Variants in EYS observed in about 807,000 individuals in gnomAD.
EYS encodes EGF-like photoreceptor maintenance factor.
In EYS, 250 loss-of-function variants were observed where a neutral mutation model predicts 282.1. The ratio of observed to expected loss-of-function variants is 0.89; its 90% CI spans 0.80 to 0.98. The LOEUF is 0.98. Ranked by LOEUF, EYS falls within the 50% of genes least tolerant of loss-of-function variation. The pLI is 0.00. For missense variants in EYS, 4,016 were observed against 3,709.0 expected, an observed-to-expected ratio of 1.08 and a Z score of -2.15; for synonymous variants, 1,355 against 1,282.9, an observed-to-expected ratio of 1.06 and a Z score of -1.20.
At chr6:64,453,614 C>G (rs1472474538) in intron 26 of EYS, among the ~76,000 whole-genome samples, 1 of 152,134 alleles carries the variant, frequency 6.6e-6, no homozygotes, top group Non-Finnish European at 1.5e-5. Flanking sequence ...ACCCAAATGT[C>G]CAACAATGAT....
Position 65,678,104 on chromosome 6 carries a change from C to G in EYS, c.-448+29031G>C, listed in dbSNP as rs577781131. ...AAGCTTATAATCATTGTGAAGGGAA[C>G]GGGAGCCAGCATGTCACATGATGAG... On this transcript the variant is annotated intron_variant, in intron 1 of 42. Transcript: ENST00000503581. Among the ~76,000 whole-genome samples the G allele has an allele frequency of 1.1e-4, 17 of 152,024 alleles. No individual in the cohort carries two copies. The South Asian group carries it at 3.5e-3, about 32-fold the overall frequency.
At chr6:65,326,106 ATGTAC>A (rs1443864711) in intron 11 of EYS, among the ~76,000 whole-genome samples, 4 of 152,024 alleles carry the variant, frequency 2.6e-5, no homozygotes, top group Non-Finnish European at 5.9e-5. Context: ...ATTTTGTCTA[ATGTAC>A]TGTAAATAAT....
rs1353863892 is a variant in EYS at position 65,494,744 on chromosome 6, TA to T, written c.666del (p.Cys222Ter). 1 of 1,613,564 alleles carries T rather than the reference TA, an allele frequency of 6.2e-7. No homozygotes were observed. The highest frequency in any genetic ancestry group is 8.5e-7 in the Non-Finnish European group (1 of 1,179,756). Reference protein sequence around the residue: ...QELDACSFKPCKNNGSCINKR... With the variant: ...QELDACSFKPXKNNGSCINKR... ...TTATTAATGCAACTGCCATTATTTT[TA>T]CATGGTTTAAAAGAACATGCATCAA... is the stretch of plus-strand genomic sequence containing the variant. On this transcript the variant is annotated frameshift_variant, in exon 4 of 43. Transcript: ENST00000503581. LOFTEE classifies it high-confidence loss of function.
chr6:64,886,812 A>G lies in EYS; in HGVS notation c.2877T>C (p.His959=), dbSNP rs1446883690. 6.5e-7 allele frequency: 1 copy of G among 1,544,704 alleles called. No homozygotes were observed. Among genetic ancestry groups the G allele is most frequent in the Admixed American group, 2.0e-5 (1 of 50,278 alleles). Residue 959 remains histidine (H), a synonymous_variant, in exon 19 of 43, where the codon CAT becomes CAC. Transcript: ENST00000503581. ...TTACATCAAGTTCACAGAAGGGCCCATGGTACTCAGGTTCACAATTACAAA... is the reference window on the plus strand; with the variant it reads ...TTACATCAAGTTCACAGAAGGGCCCGTGGTACTCAGGTTCACAATTACAAA... ...RFFCNCEPEY[H]GPFCELDVNK...
intron 12 of EYS, among the ~76,000 whole-genome samples, chr6:65,134,645 A>G (rs1775972332): frequency 6.6e-6 from 1 of 152,088 alleles, no homozygotes; most frequent in South Asian, 2.1e-4. Flanking sequence ...AAAAGTAACT[A>G]TTGGGTACTA....
chr6:65,386,028 T>C (rs764364142), intron 7 of EYS, among the ~76,000 whole-genome samples: 1 of 151,910 alleles, frequency 6.6e-6, no homozygotes, highest in Non-Finnish European at 1.5e-5. Flanking sequence ...GGGCTTACTT[T>C]GTGTTGCAGT....
intron 2 of EYS, among the ~76,000 whole-genome samples, chr6:65,532,985 T>G (rs10484936): frequency 6.6e-6 from 1 of 151,926 alleles, no homozygotes; most frequent in Non-Finnish European, 1.5e-5. Context: ...AACTTTGCAA[T>G]TGTCGATTTT....
At chr6:65,297,902 T>C (rs1768710988) in intron 11 of EYS, among the ~76,000 whole-genome samples, 6 of 152,078 alleles carry the variant, frequency 3.9e-5, no homozygotes, top group Admixed American at 3.9e-4. Context: ...AAATTGTTAA[T>C]AGTGCTCTTT....
intron 37 of EYS, among the ~76,000 whole-genome samples, chr6:63,805,395 A>G (rs1419909253): frequency 6.6e-6 from 1 of 152,154 alleles, no homozygotes; most frequent in Admixed American, 6.5e-5. Context: ...TGCTCCTTTA[A>G]TTTAGAATGG....
chr6:65,013,858 CTCTCT>C (rs1297502411), intron 13 of EYS, among the ~76,000 whole-genome samples: 3 of 152,088 alleles, frequency 2.0e-5, no homozygotes, highest in Non-Finnish European at 4.4e-5. Context: ...GTGAGACTCT[CTCTCT>C]TAAGTAAATA....
chr6:63,726,703 A>G, intron 41 of EYS, 23 bp from the exon 42 acceptor site: 2 of 1,537,902 alleles, frequency 1.3e-6, no homozygotes, highest in African/African-American at 1.4e-5. Context: ...GAGAAAGAGA[A>G]CTCTGGGAGT....
At chr6:64,572,410 A>G (rs1765755159) in intron 26 of EYS, among the ~76,000 whole-genome samples, 3 of 152,250 alleles carry the variant, frequency 2.0e-5, no homozygotes. Context: ...CAGGGCAATC[A>G]GGCAAGAGAA....
At chr6:64,751,243 G>T (rs569311322) in intron 22 of EYS, among the ~76,000 whole-genome samples, 3 of 152,278 alleles carry the variant, frequency 2.0e-5, no homozygotes, top group Admixed American at 6.5e-5. Context: ...TGGAGCTTAA[G>T]CTGCCCCACC....
At chr6:65,009,917 A>C (rs903482048) in intron 13 of EYS, among the ~76,000 whole-genome samples, 9 of 152,220 alleles carry the variant, frequency 5.9e-5, no homozygotes, top group African/African-American at 1.9e-4. Context: ...GTTCCTTGGC[A>C]TAACAGGTTT....
intron 35 of EYS, among the ~76,000 whole-genome samples, chr6:63,935,417 A>C (rs1765027964): frequency 6.6e-6 from 1 of 152,242 alleles, no homozygotes; most frequent in Non-Finnish European, 1.5e-5. Flanking sequence ...CCTAACACCC[A>C]GTATCTCACA....
At chr6:65,027,970 AATT>A (rs2150142124) in intron 13 of EYS, among the ~76,000 whole-genome samples, 1 of 152,230 alleles carries the variant, frequency 6.6e-6, no homozygotes, top group South Asian at 2.1e-4. Context: ...ATTAACACTA[AATT>A]ATTATGCCGG....
chr6:64,583,797 A>G (rs926261908), intron 26 of EYS, among the ~76,000 whole-genome samples: 4 of 150,322 alleles, frequency 2.7e-5, no homozygotes, highest in Non-Finnish European at 4.5e-5. Flanking sequence ...TTCTGCCTCA[A>G]AAAAAAAAAT....
intron 5 of EYS, among the ~76,000 whole-genome samples, chr6:65,446,054 T>C (rs1314953921): frequency 2.0e-5 from 3 of 151,716 alleles, no homozygotes; most frequent in African/African-American, 7.2e-5. Flanking sequence ...TTTTAATCAA[T>C]CATAGCGAAA....
chr6:64,340,898 G>T (rs527491938), intron 29 of EYS, among the ~76,000 whole-genome samples: 2 of 151,890 alleles, frequency 1.3e-5, no homozygotes, highest in South Asian at 4.1e-4. Context: ...ATTAAAATGT[G>T]GGCAAAAGAC....
Sources: gnomAD v4.1 joint callset for allele counts (sites outside exome capture counted in the v4.1 genomes callset) on GRCh38, gnomAD v4.1.1 for gene constraint, MANE v1.5 for transcripts, NCBI Gene and HGNC (gene_info 2026-07-23, HGNC 2026-07-21) for gene names.